The following MCPH1 variants were observed in gnomAD, a reference collection of about 807,000 sequenced individuals.
The protein encoded by MCPH1 is microcephalin.
In MCPH1, 104 loss-of-function variants were observed where a neutral mutation model predicts 84.5. That is an observed-to-expected ratio of 1.23 (90% CI 1.05 to 1.45). MCPH1 has a LOEUF of 1.45. Among genes scored for constraint, MCPH1 ranks in the 40% most tolerant of loss-of-function variants. The pLI, the probability that MCPH1 is intolerant of heterozygous loss-of-function variation, is 0.00. For missense variants in MCPH1, 1,498 were observed against 1,005.7 expected (o/e 1.49, Z -6.62); for synonymous variants, 514 against 366.8 (o/e 1.40, Z -4.58).
intron 8 of MCPH1, chr8:6,445,785 T>C: frequency 1.5e-6 from 2 of 1,302,174 alleles, no homozygotes; most frequent in South Asian, 4.4e-5. Flanking sequence ...CTCCAAGACT[T>C]TTCCTTCTTA....
At chr8:6,630,898 C>G (rs548623385) in intron 13 of MCPH1, among the ~76,000 whole-genome samples, 72 of 151,940 alleles carry the variant, frequency 4.7e-4, no homozygotes, top group African/African-American at 1.7e-3. Context: ...TCACCAGCCA[C>G]TAAAAAGGCA....
At position 6,482,671 on chromosome 8, in the gene MCPH1, A is replaced by G. The variant is rs141777181; in HGVS notation, c.2136+1795A>G. Among the ~76,000 whole-genome samples, 6 of 152,340 alleles carry G rather than the reference A, an allele frequency of 3.9e-5. No homozygotes were observed. In the East Asian group the frequency reaches 1.2e-3, roughly 29 times the overall value. On this transcript the variant is annotated intron_variant, in intron 11 of 13. Transcript: ENST00000344683. Reference sequence around the variant, plus strand: ...CGTACTGCCTTTGCTGTCGACATGGATAGAGACCTGCTCCCTGGTTGTCTG... The same window carrying G: ...CGTACTGCCTTTGCTGTCGACATGGGTAGAGACCTGCTCCCTGGTTGTCTG...
At chr8:6,613,777 C>T (rs115946057) in intron 12 of MCPH1, among the ~76,000 whole-genome samples, 4 of 152,108 alleles carry the variant, frequency 2.6e-5, no homozygotes, top group South Asian at 2.1e-4. Flanking sequence ...TCTAGCAGCA[C>T]GGGGTGTGGA....
intron 9 of MCPH1, among the ~76,000 whole-genome samples, chr8:6,476,181 C>A (rs1808425198): frequency 6.6e-6 from 1 of 152,080 alleles, no homozygotes; most frequent in Non-Finnish European, 1.5e-5. Context: ...GTAATCCCAG[C>A]ACTTTGGGAG....
intron 6 of MCPH1, among the ~76,000 whole-genome samples, chr8:6,439,512 G>C (rs1803190532): frequency 6.6e-6 from 1 of 151,324 alleles, no homozygotes; most frequent in Non-Finnish European, 1.5e-5. Flanking sequence ...AGCCTCCCGA[G>C]TAGCTGGGAT....
chr8:6,461,751 A>G (rs1159686881), intron 9 of MCPH1, among the ~76,000 whole-genome samples: 1 of 152,186 alleles, frequency 6.6e-6, no homozygotes, highest in African/African-American at 2.4e-5. Context: ...TCAGAGGGAG[A>G]AATAGAAAAT....
At chr8:6,438,121 T>G (rs1802948733) in intron 5 of MCPH1, among the ~76,000 whole-genome samples, 1 of 152,234 alleles carries the variant, frequency 6.6e-6, no homozygotes, top group Admixed American at 6.5e-5. Flanking sequence ...CTATAATTCT[T>G]TATACTTTTG....
chr8:6,648,217 C>T lies in MCPH1; in HGVS notation c.*5168C>T, dbSNP rs1798306557. 1 of 152,284 alleles carries T rather than the reference C, an allele frequency of 6.6e-6. No homozygotes were observed. The highest frequency in any genetic ancestry group is 1.5e-5 in the Non-Finnish European group (1 of 68,072). 9.4% of individuals were successfully genotyped at this position (152,284 alleles called of 1,614,324 possible). A position where few individuals can be genotyped will look rare whatever the true frequency, so the allele number is the denominator to read the frequency against. ...GAACTCCCTGTGGAGTTGGCCGATACTGCCTGTGACCTGCAATGTGGTCTA... is the reference window on the plus strand; with the variant it reads ...GAACTCCCTGTGGAGTTGGCCGATATTGCCTGTGACCTGCAATGTGGTCTA... On this transcript the variant is annotated 3_prime_UTR_variant, in exon 14 of 14. Transcript: ENST00000344683.
chr8:6,516,840 C>G (rs1230234656), intron 12 of MCPH1, among the ~76,000 whole-genome samples: 2 of 152,056 alleles, frequency 1.3e-5, no homozygotes, highest in African/African-American at 4.8e-5. Flanking sequence ...CTATCTTGTT[C>G]AGAGAACAAG....
At chr8:6,541,656 T>C (rs922344000) in intron 12 of MCPH1, among the ~76,000 whole-genome samples, 26 of 152,216 alleles carry the variant, frequency 1.7e-4, no homozygotes, top group African/African-American at 6.3e-4. Flanking sequence ...ATAGTAGTGA[T>C]GTTTTCCCTA....
chr8:6,478,065 C>T (rs192227141), intron 10 of MCPH1, among the ~76,000 whole-genome samples: 13 of 152,330 alleles, frequency 8.5e-5, no homozygotes, highest in Admixed American at 5.2e-4. Flanking sequence ...CTCCCTTAAA[C>T]ATTTAACACA....
At chr8:6,625,111 G>A (rs1456675899) in intron 13 of MCPH1, 1 of 848,148 alleles carries the variant, frequency 1.2e-6, no homozygotes, top group South Asian at 5.4e-5. Context: ...CCAACCTCAA[G>A]TGATCCTCCT....
At chr8:6,449,780 C>A (rs1207934580) in intron 8 of MCPH1, among the ~76,000 whole-genome samples, 4 of 152,194 alleles carry the variant, frequency 2.6e-5, no homozygotes, top group Non-Finnish European at 5.9e-5. Context: ...TCTGACAGCA[C>A]AAGAGAGAAT....
intron 12 of MCPH1, among the ~76,000 whole-genome samples, chr8:6,531,013 AT>A (rs1457028781): frequency 6.6e-6 from 1 of 150,726 alleles, no homozygotes; most frequent in Non-Finnish European, 1.5e-5. Flanking sequence ...TTTTAAAAGT[AT>A]TCCTTATAGC....
chr8:6,503,027 G>A (rs1812503103), intron 12 of MCPH1: 1 of 1,564,832 alleles, frequency 6.4e-7, no homozygotes, highest in Admixed American at 1.7e-5. Context: ...ACAGTGCGCA[G>A]CCGTGACTTT....
At chr8:6,599,276 C>G (rs1396391851) in intron 12 of MCPH1, among the ~76,000 whole-genome samples, 2 of 152,188 alleles carry the variant, frequency 1.3e-5, no homozygotes, top group African/African-American at 2.4e-5. Context: ...CAGGAATTAT[C>G]GATACCTTTG....
intron 12 of MCPH1, chr8:6,502,816 C>T (rs558822563): frequency 2.2e-4 from 90 of 410,714 alleles, no homozygotes; most frequent in Non-Finnish European, 3.5e-4. Flanking sequence ...GTGACAGCAG[C>T]GTCTGTAAAC....
At chr8:6,472,094 G>C (rs1010518659) in intron 9 of MCPH1, among the ~76,000 whole-genome samples, 4 of 152,102 alleles carry the variant, frequency 2.6e-5, no homozygotes, top group Admixed American at 6.5e-5. Context: ...TATTTTAAAA[G>C]AACAGTGGAT....
intron 12 of MCPH1, among the ~76,000 whole-genome samples, chr8:6,518,383 T>C (rs2442624): frequency 0.06 from 9,110 of 152,328 alleles, 302 homozygotes; most frequent in African/African-American, 0.077. Context: ...TGCAGCAGAC[T>C]GTGTTGTTTG....
Sources: gnomAD v4.1 joint callset for allele counts (sites outside exome capture counted in the v4.1 genomes callset) on GRCh38, gnomAD v4.1.1 for gene constraint, MANE v1.5 for transcripts, NCBI Gene and HGNC (gene_info 2026-07-23, HGNC 2026-07-21) for gene names.